KLHL29: variants seen among roughly 807,000 people sequenced by gnomAD.
The protein encoded by KLHL29 is kelch-like protein 29.
In KLHL29, 21 loss-of-function variants were observed where a neutral mutation model predicts 80.4. That is an observed-to-expected ratio of 0.26 (90% CI 0.19 to 0.38). The LOEUF (loss-of-function observed/expected upper bound fraction) is 0.38. KLHL29 is among the 10% of genes least tolerant of loss of function. The probability of loss-of-function intolerance (pLI) is 1.00; values close to 1 mark genes in which losing one functional copy is unlikely to be tolerated. For synonymous variants in KLHL29, 511 were observed against 526.8 expected, an observed-to-expected ratio of 0.97 and a Z score of 0.41; for missense variants, 867 against 1,223.9, an observed-to-expected ratio of 0.71 and a Z score of 4.35.
chr2:23,429,762 A>G (rs935876655), intron 1 of KLHL29, among the ~76,000 whole-genome samples: 4 of 152,178 alleles, frequency 2.6e-5, no homozygotes, highest in African/African-American at 9.7e-5. Flanking sequence ...TAAGAAAAAA[A>G]AAGAAAAAAG....
intron 1 of KLHL29, among the ~76,000 whole-genome samples, chr2:23,455,663 G>A (rs1187714689): frequency 6.8e-6 from 1 of 146,308 alleles, no homozygotes; most frequent in Non-Finnish European, 1.5e-5. Flanking sequence ...CAAGGCTGGA[G>A]TGCAGTGGCA....
At chr2:23,477,424 G>A (rs1005140015) in intron 2 of KLHL29, among the ~76,000 whole-genome samples, 4 of 152,258 alleles carry the variant, frequency 2.6e-5, no homozygotes, top group Admixed American at 6.5e-5. Flanking sequence ...CAGGCTAGGC[G>A]CAGCCTTGGT....
intron 3 of KLHL29, among the ~76,000 whole-genome samples, chr2:23,571,968 C>T (rs1423357238): frequency 6.6e-6 from 1 of 152,260 alleles, no homozygotes; most frequent in Non-Finnish European, 1.5e-5. Context: ...TTGCTAAAAG[C>T]AGCTGCAGTG....
At chr2:23,537,285 G>A (rs1666700515) in intron 2 of KLHL29, among the ~76,000 whole-genome samples, 1 of 152,074 alleles carries the variant, frequency 6.6e-6, no homozygotes, top group African/African-American at 2.4e-5. Context: ...TTGCCTCAGT[G>A]GGAGGGGTCT....
intron 3 of KLHL29, among the ~76,000 whole-genome samples, chr2:23,626,237 C>A (rs1332352183): frequency 6.6e-6 from 1 of 152,198 alleles, no homozygotes; most frequent in Admixed American, 6.5e-5. Context: ...TCTCATGCCG[C>A]CACTGATCTG....
intron 3 of KLHL29, among the ~76,000 whole-genome samples, chr2:23,575,291 G>A (rs1667815716): frequency 6.6e-6 from 1 of 152,184 alleles, no homozygotes; most frequent in South Asian, 2.1e-4. Flanking sequence ...TCAGAGGCAG[G>A]TTATATGTCT....
At chr2:23,509,807 A>G (rs1310210542) in intron 2 of KLHL29, among the ~76,000 whole-genome samples, 2 of 152,140 alleles carry the variant, frequency 1.3e-5, no homozygotes, top group Non-Finnish European at 2.9e-5. Flanking sequence ...GGGTGGTGGG[A>G]GGCCTCTGGA....
rs1427674957 is a variant in KLHL29 at position 23,457,944 on chromosome 2, C to T, written c.-153-17616C>T. On this transcript the variant is annotated intron_variant, in intron 1 of 13. Coordinates refer to ENST00000486442, the MANE Select transcript of KLHL29 (RefSeq NM_052920.2). This position sits in a 1 kb window ranked among gnomAD's most constrained non-coding sequence, Gnocchi z 4.3. ...AGGAGAATGGCATGAACCAGGGAGG[C>T]GGAGCTTGCAGTGAACTGAGATCAC... is the stretch of plus-strand genomic sequence containing the variant. Among the ~76,000 whole-genome samples, 1 of 152,082 alleles carries T rather than the reference C, an allele frequency of 6.6e-6. No individual in the cohort carries two copies. The highest frequency in any genetic ancestry group is 1.5e-5 in the Non-Finnish European group (1 of 68,012).
intron 3 of KLHL29, among the ~76,000 whole-genome samples, chr2:23,573,759 G>A (rs375794416): frequency 6.6e-6 from 1 of 152,208 alleles, no homozygotes; most frequent in African/African-American, 2.4e-5. Flanking sequence ...ACAGCCAGGT[G>A]GGGTGGTACA....
At chr2:23,599,305 T>C (rs969262780) in intron 3 of KLHL29, among the ~76,000 whole-genome samples, 1 of 152,076 alleles carries the variant, frequency 6.6e-6, no homozygotes, top group Non-Finnish European at 1.5e-5. Context: ...AAATAGCCCT[T>C]ACAAGTTGGT....
chr2:23,584,011 C>G (rs1026367139), intron 3 of KLHL29, among the ~76,000 whole-genome samples: 5 of 152,148 alleles, frequency 3.3e-5, no homozygotes, highest in African/African-American at 9.7e-5. Flanking sequence ...TATAGAATTC[C>G]AGGAAGGAAC....
chr2:23,445,741 C>G (rs770661399), intron 1 of KLHL29, among the ~76,000 whole-genome samples: 1 of 152,238 alleles, frequency 6.6e-6, no homozygotes, highest in African/African-American at 2.4e-5. Flanking sequence ...ACACGTGTCT[C>G]CACAGCCTTA....
At chr2:23,678,349 A>G (rs1670978968) in intron 5 of KLHL29, among the ~76,000 whole-genome samples, 1 of 152,216 alleles carries the variant, frequency 6.6e-6, no homozygotes, top group Non-Finnish European at 1.5e-5. Context: ...TATCTGGTCC[A>G]TAACTCGGGG....
At chr2:23,512,852 T>C (rs965812862) in intron 2 of KLHL29, among the ~76,000 whole-genome samples, 1 of 152,354 alleles carries the variant, frequency 6.6e-6, no homozygotes, top group African/African-American at 2.4e-5. Flanking sequence ...GCCCTGGAGA[T>C]TGCAGGCACT....
chr2:23,546,275 G>A (rs188281016), intron 2 of KLHL29, among the ~76,000 whole-genome samples: 21 of 152,312 alleles, frequency 1.4e-4, no homozygotes, highest in African/African-American at 5.1e-4. Flanking sequence ...AATGCAGTGT[G>A]TTTTCAGAGC....
chr2:23,692,845 C>T (rs1394034058), intron 7 of KLHL29, among the ~76,000 whole-genome samples: 4 of 152,114 alleles, frequency 2.6e-5, no homozygotes, highest in Non-Finnish European at 5.9e-5. Flanking sequence ...GTGTGAGGGG[C>T]ACTACTGCTA....
intron 1 of KLHL29, among the ~76,000 whole-genome samples, chr2:23,452,908 C>CT (rs1553325457): frequency 4.2e-5 from 5 of 119,110 alleles, no homozygotes; most frequent in African/African-American, 2.2e-4. Context: ...GGTCACCCCC[C>CT]CGCCCACACA....
intron 13 of KLHL29, 88 bp downstream of exon 13, chr2:23,703,951 A>G (rs1672555669): frequency 1.4e-6 from 2 of 1,393,564 alleles, no homozygotes; most frequent in Admixed American, 4.6e-5. Flanking sequence ...GCCATCAGTG[A>G]CCATAGCAAT....
intron 2 of KLHL29, among the ~76,000 whole-genome samples, chr2:23,543,171 A>C (rs960067104): frequency 3.9e-5 from 6 of 152,042 alleles, no homozygotes; most frequent in Admixed American, 6.5e-5. Context: ...TGAAGAAGAC[A>C]TCTCTGCTCT....
Sources: allele counts gnomAD v4.1 joint callset (sites outside exome capture counted in the v4.1 genomes callset), GRCh38; gene constraint gnomAD v4.1.1; non-coding constraint Gnocchi (gnomAD v3.1); transcripts MANE v1.5; gene names NCBI Gene and HGNC (gene_info 2026-07-23, HGNC 2026-07-21).